SLA: variants seen among roughly 807,000 people sequenced by gnomAD.
The protein encoded by SLA is src-like-adapter.
SLA carries 16 observed loss-of-function variants against 30.3 expected under a neutral mutation model. The observed-to-expected ratio is 0.53, with a 90% CI of 0.36 to 0.80. SLA has a LOEUF of 0.80. Ranked by LOEUF, SLA falls within the 30% of genes least tolerant of loss-of-function variation. SLA has a pLI of 0.01. For missense variants in SLA, 310 were observed against 345.2 expected, an observed-to-expected ratio of 0.90 and a Z score of 0.81; for synonymous variants, 143 against 137.8, an observed-to-expected ratio of 1.04 and a Z score of -0.26.
rs566915975 is a variant in SLA, at chr8:133,084,864, A to G, written c.-318-9734T>C. Reference sequence around the variant, plus strand: ...CCTGTCAAAGATGTCTGCAGAAGGCAGGTTGAGTGCAGATTCTGTTTGGCA... The same window carrying G: ...CCTGTCAAAGATGTCTGCAGAAGGCGGGTTGAGTGCAGATTCTGTTTGGCA... On this transcript the variant is annotated intron_variant, in intron 1 of 8. Transcript: ENST00000338087. Among the ~76,000 whole-genome samples, 42 of 152,358 alleles carry G rather than the reference A, an allele frequency of 2.8e-4. No homozygotes were observed. In the South Asian group the frequency reaches 8.3e-3, roughly 30 times the overall value.
chr8:133,085,856 A>G (rs1846458500), intron 1 of SLA, among the ~76,000 whole-genome samples: 1 of 152,206 alleles, frequency 6.6e-6, no homozygotes, highest in African/African-American at 2.4e-5. Flanking sequence ...TGACCTAGCA[A>G]TTCCACCCCT....
chr8:133,061,606 C>T (rs1303690471), intron 2 of SLA, among the ~76,000 whole-genome samples: 3 of 152,204 alleles, frequency 2.0e-5, no homozygotes, highest in Non-Finnish European at 4.4e-5. Flanking sequence ...ATAAATAGAG[C>T]TCTGCCTGCT....
intron 6 of SLA, among the ~76,000 whole-genome samples, chr8:133,045,477 C>G (rs2131153584): frequency 6.8e-6 from 1 of 148,146 alleles, no homozygotes; most frequent in Non-Finnish European, 1.5e-5. Context: ...TCACTGCAAC[C>G]TCCATCTCCT....
At chr8:133,094,490 T>TTAAAAA in intron 1 of SLA, 1 of 179,976 alleles carries the variant, frequency 5.6e-6, no homozygotes, top group Admixed American at 5.4e-5. Flanking sequence ...TCCGCCCACC[T>TTAAAAA]CAGCCTCCCA....
At chr8:133,051,711 G>T (rs989507861) in intron 3 of SLA, among the ~76,000 whole-genome samples, 6 of 152,170 alleles carry the variant, frequency 3.9e-5, no homozygotes, top group African/African-American at 1.4e-4. Flanking sequence ...CGATACGTCT[G>T]CTTCTATCCT....
intron 1 of SLA, among the ~76,000 whole-genome samples, chr8:133,098,712 C>A (rs1226116379): frequency 2.6e-5 from 4 of 152,156 alleles, no homozygotes; most frequent in African/African-American, 9.7e-5. Flanking sequence ...GTGGTTAGTT[C>A]CCAGACCTCT....
intron 1 of SLA, among the ~76,000 whole-genome samples, chr8:133,075,603 G>A (rs9297863): frequency 0.43 from 65,477 of 152,084 alleles, 14,396 homozygotes; most frequent in Non-Finnish European, 0.46. Flanking sequence ...GACATGCGGT[G>A]ACCAAGAGGA....
intron 1 of SLA, chr8:133,096,446 T>C (rs1294567076): frequency 1.3e-6 from 2 of 1,575,022 alleles, no homozygotes; most frequent in African/African-American, 1.4e-5. Context: ...ATGTCTGACT[T>C]GATCAAGAGA....
chr8:133,042,491 T>G (rs555558102), intron 7 of SLA, among the ~76,000 whole-genome samples: 1 of 152,242 alleles, frequency 6.6e-6, no homozygotes, highest in African/African-American at 2.4e-5. Flanking sequence ...ATGCATCTTT[T>G]TTTTTTAACT....
At chr8:133,096,632 A>G (rs1043602856) in intron 1 of SLA, among the ~76,000 whole-genome samples, 2 of 152,176 alleles carry the variant, frequency 1.3e-5, no homozygotes, top group Admixed American at 6.5e-5. Context: ...GAAGCTCTGC[A>G]GCTCAGGGCT....
chr8:133,041,165 G>A (rs1310525487), intron 7 of SLA, among the ~76,000 whole-genome samples: 1 of 152,238 alleles, frequency 6.6e-6, no homozygotes, highest in Non-Finnish European at 1.5e-5. Flanking sequence ...GGTCAAGGGG[G>A]TGAGGTGCCA....
intron 2 of SLA, among the ~76,000 whole-genome samples, chr8:133,068,727 G>A (rs1205006860): frequency 6.6e-6 from 1 of 152,230 alleles, no homozygotes; most frequent in East Asian, 1.9e-4. Context: ...TCTGGCATAC[G>A]GAGGCGGGCA....
chr8:133,082,031 A>G (rs747354989), intron 1 of SLA, among the ~76,000 whole-genome samples: 4 of 152,188 alleles, frequency 2.6e-5, no homozygotes, highest in Non-Finnish European at 5.9e-5. Context: ...TTTAGAGTCT[A>G]TCTTCTGCAA....
At chr8:133,095,232 G>A (rs1011374690) in intron 1 of SLA, 5 of 1,614,062 alleles carry the variant, frequency 3.1e-6, no homozygotes, top group Middle Eastern at 3.3e-4. Context: ...TGCAAGTTGG[G>A]AAGGGACATT....
chr8:133,091,684 C>T (rs897419725), intron 1 of SLA, among the ~76,000 whole-genome samples: 6 of 151,620 alleles, frequency 4.0e-5, no homozygotes, highest in Admixed American at 3.9e-4. Context: ...GTCTCTGTGA[C>T]TGTGTGTGTT....
chr8:133,096,352 CA>C (rs746765484), intron 1 of SLA: 1 of 1,614,164 alleles, frequency 6.2e-7, no homozygotes, highest in South Asian at 1.1e-5. Context: ...ACGGGCTCAT[CA>C]ACAGAGCAAA....
intron 7 of SLA, among the ~76,000 whole-genome samples, chr8:133,042,242 C>T (rs1838393892): frequency 6.6e-6 from 1 of 152,156 alleles, no homozygotes; most frequent in Non-Finnish European, 1.5e-5. Flanking sequence ...AGACATCCTC[C>T]AGCTGTCTCT....
At chr8:133,065,982 A>C (rs1587961910) in intron 2 of SLA, among the ~76,000 whole-genome samples, 1 of 152,092 alleles carries the variant, frequency 6.6e-6, no homozygotes, top group South Asian at 2.1e-4. Context: ...GAAACAAGAG[A>C]GCGAGGCCAG....
At chr8:133,065,337 G>A (rs978501108) in intron 2 of SLA, among the ~76,000 whole-genome samples, 1 of 152,246 alleles carries the variant, frequency 6.6e-6, no homozygotes, top group East Asian at 1.9e-4. Context: ...AGCTAAAGCT[G>A]GGATTCCAGC....
Sources: gnomAD v4.1 joint callset for allele counts (sites outside exome capture counted in the v4.1 genomes callset) on GRCh38, gnomAD v4.1.1 for gene constraint, MANE v1.5 for transcripts, NCBI Gene and HGNC (gene_info 2026-07-23, HGNC 2026-07-21) for gene names.